The following MGMT variants were observed in gnomAD, a reference collection of about 807,000 sequenced individuals.
The protein encoded by MGMT is O-6-methylguanine-DNA methyltransferase, also known as methylated-DNA--protein-cysteine methyltransferase.
MGMT carries 14 observed loss-of-function variants against 15.9 expected under a neutral mutation model. That is an observed-to-expected ratio of 0.88 (90% CI 0.58 to 1.37). The LOEUF is 1.37. Among genes scored for constraint, MGMT ranks in the 40% most tolerant of loss-of-function variants. The probability of loss-of-function intolerance (pLI) is 0.00; values close to 1 mark genes in which losing one functional copy is unlikely to be tolerated. For missense variants in MGMT, 282 were observed against 268.1 expected (o/e 1.05, Z -0.36); for synonymous variants, 130 against 118.2 (o/e 1.10, Z -0.65).
intron 2 of MGMT, among the ~76,000 whole-genome samples, chr10:129,579,959 G>A (rs1846532716): frequency 6.6e-6 from 1 of 152,190 alleles, no homozygotes; most frequent in Non-Finnish European, 1.5e-5. Context: ...CGTGAGAGGT[G>A]GCAGCTCTGG....
intron 2 of MGMT, among the ~76,000 whole-genome samples, chr10:129,686,479 A>G (rs542131274): frequency 6.6e-6 from 1 of 152,018 alleles, no homozygotes; most frequent in East Asian, 1.9e-4. Context: ...GGTTCAAGGG[A>G]TTCCCCTACC....
chr10:129,474,529 T>C (rs982779094), intron 1 of MGMT, among the ~76,000 whole-genome samples: 1 of 152,128 alleles, frequency 6.6e-6, no homozygotes, highest in African/African-American at 2.4e-5. Flanking sequence ...TTTGGAAGGG[T>C]AGACAGGCCG....
intron 3 of MGMT, among the ~76,000 whole-genome samples, chr10:129,723,169 T>C (rs1361188363): frequency 6.6e-6 from 1 of 152,140 alleles, no homozygotes; most frequent in Non-Finnish European, 1.5e-5. Flanking sequence ...TGGTATTTGG[T>C]TACATGAGTA....
chr10:129,729,944 G>A (rs1298001809), intron 3 of MGMT, among the ~76,000 whole-genome samples: 1 of 152,198 alleles, frequency 6.6e-6, no homozygotes, highest in East Asian at 1.9e-4. Flanking sequence ...CAGTCAGACG[G>A]TGTTGATATG....
intron 2 of MGMT, among the ~76,000 whole-genome samples, chr10:129,639,750 C>G (rs61427886): frequency 6.6e-6 from 1 of 151,918 alleles, no homozygotes; most frequent in Non-Finnish European, 1.5e-5. Context: ...AAACAATGAT[C>G]TAAGCTGCTG....
intron 2 of MGMT, among the ~76,000 whole-genome samples, chr10:129,627,340 A>G (rs562558546): frequency 2.0e-5 from 3 of 152,348 alleles, no homozygotes; most frequent in African/African-American, 7.2e-5. Context: ...TTCTGGAACC[A>G]GTCTAACAAA....
intron 3 of MGMT, chr10:129,717,536 A>G (rs1848313606): frequency 6.6e-6 from 1 of 152,230 alleles, no homozygotes; most frequent in Admixed American, 6.5e-5. Context: ...CTCTGATTAT[A>G]AGATGCATTA....
At chr10:129,478,279 G>C (rs984944205) in intron 1 of MGMT, among the ~76,000 whole-genome samples, 1 of 152,080 alleles carries the variant, frequency 6.6e-6, no homozygotes. Flanking sequence ...CACTAATCCA[G>C]CCTGGTTCAA....
chr10:129,662,975 A>G (rs1457904394), intron 2 of MGMT, among the ~76,000 whole-genome samples: 2 of 152,340 alleles, frequency 1.3e-5, no homozygotes, highest in East Asian at 3.9e-4. Context: ...ATGTTAACAC[A>G]CTATTCTCAG....
chr10:129,673,631 A>G (rs990848776), intron 2 of MGMT, among the ~76,000 whole-genome samples: 4 of 152,110 alleles, frequency 2.6e-5, no homozygotes, highest in African/African-American at 9.7e-5. Flanking sequence ...TTCTGTCCAC[A>G]TCGGCTTGAT....
intron 2 of MGMT, among the ~76,000 whole-genome samples, chr10:129,545,980 G>A (rs946199976): frequency 9.2e-5 from 14 of 152,342 alleles, no homozygotes; most frequent in African/African-American, 3.4e-4. Context: ...TTTTTGAATT[G>A]AACTGAAGCA....
chr10:129,479,838 G>A (rs931902176), intron 1 of MGMT, among the ~76,000 whole-genome samples: 7 of 152,000 alleles, frequency 4.6e-5, no homozygotes, highest in African/African-American at 9.7e-5. Flanking sequence ...TCCTTGCTGG[G>A]GGTCCTCACA....
intron 1 of MGMT, among the ~76,000 whole-genome samples, chr10:129,522,462 C>T (rs116166875): frequency 0.019 from 2,870 of 152,290 alleles, 79 homozygotes; most frequent in African/African-American, 0.065. Context: ...CGTCCTGGAG[C>T]CCCCATCCCA....
intron 2 of MGMT, among the ~76,000 whole-genome samples, chr10:129,633,334 C>T (rs1273598478): frequency 6.6e-6 from 1 of 152,112 alleles, no homozygotes; most frequent in Non-Finnish European, 1.5e-5. Flanking sequence ...GCATCTAATG[C>T]CTATGAGACT....
intron 2 of MGMT, among the ~76,000 whole-genome samples, chr10:129,623,297 C>T (rs916836380): frequency 3.9e-5 from 6 of 152,082 alleles, no homozygotes; most frequent in African/African-American, 7.2e-5. Context: ...CCCTGAGCCG[C>T]GCTGAGCAGC....
In MGMT at chr10:129,691,028, G is replaced by A. The variant is rs995845183; in HGVS notation, c.126-16867G>A. On this transcript the variant is annotated intron_variant, in intron 2 of 4. Transcript: ENST00000651593. ...AGGCTCTGGAGGTTGTTCAGAAGTG[G>A]CAACAAAAGGGAATGGAAATAAGAG... 3.9e-5 allele frequency among the ~76,000 whole-genome samples: 6 copies of A among 152,326 alleles called. No homozygotes were observed. The East Asian group carries it at 1.2e-3, about 29-fold the overall frequency.
In MGMT at chr10:129,537,920, G is replaced by T. The variant is rs1391756785; in HGVS notation, c.125+1543G>T. ...TCTCCAGATGGTGGTCCCTGCCCTG[G>T]TGCTTCAAGACAGCTCCTGGGCCTC... On this transcript the variant is annotated intron_variant, in intron 2 of 4. Transcript: ENST00000651593. Among the ~76,000 whole-genome samples the T allele has an allele frequency of 2.0e-5, 3 of 152,240 alleles. No individual in the cohort carries two copies. The East Asian group carries it at 5.8e-4, about 29-fold the overall frequency.
At chr10:129,577,851 C>A (rs928222651) in intron 2 of MGMT, among the ~76,000 whole-genome samples, 1 of 151,910 alleles carries the variant, frequency 6.6e-6, no homozygotes, top group South Asian at 2.1e-4. Context: ...AAAAAAACAA[C>A]CCCATCAAAA....
chr10:129,740,676 C>A (rs1848621442), intron 3 of MGMT, among the ~76,000 whole-genome samples: 1 of 152,120 alleles, frequency 6.6e-6, no homozygotes, highest in African/African-American at 2.4e-5. Context: ...TCAGGGACAG[C>A]AGCAGGCATG....
Sources: gnomAD v4.1 joint callset for allele counts (sites outside exome capture counted in the v4.1 genomes callset) on GRCh38, gnomAD v4.1.1 for gene constraint, MANE v1.5 for transcripts, NCBI Gene and HGNC (gene_info 2026-07-23, HGNC 2026-07-21) for gene names.